Variants in RABGAP1L observed in about 807,000 individuals in gnomAD.
The protein encoded by RABGAP1L is rab GTPase-activating protein 1-like.
A neutral mutation model predicts 137.7 loss-of-function variants in RABGAP1L; 63 were observed. That is an observed-to-expected ratio of 0.46 (90% CI 0.37 to 0.56). The LOEUF (loss-of-function observed/expected upper bound fraction) is 0.56. RABGAP1L is among the 20% of genes least tolerant of loss of function. The probability of loss-of-function intolerance (pLI) is 0.00; values close to 1 mark genes in which losing one functional copy is unlikely to be tolerated. For synonymous variants in RABGAP1L, 431 were observed against 433.7 expected, an observed-to-expected ratio of 0.99 and a Z score of 0.08; for missense variants, 1,095 against 1,244.0, an observed-to-expected ratio of 0.88 and a Z score of 1.80.
At chr1:174,788,042 A>C (rs952735484) in intron 18 of RABGAP1L, among the ~76,000 whole-genome samples, 1 of 152,234 alleles carries the variant, frequency 6.6e-6, no homozygotes, top group Non-Finnish European at 1.5e-5. Flanking sequence ...TTATAGAGAA[A>C]GAAGCTTACT....
chr1:174,483,473 A>AT (rs1431172463), intron 13 of RABGAP1L, among the ~76,000 whole-genome samples: 1 of 152,186 alleles, frequency 6.6e-6, no homozygotes, highest in East Asian at 1.9e-4. Flanking sequence ...GTATCTCATT[A>AT]TTTTTTATGG....
At chr1:174,449,189 T>C in intron 13 of RABGAP1L, 1 of 1,595,210 alleles carries the variant, frequency 6.3e-7, no homozygotes, top group Middle Eastern at 1.7e-4. Context: ...TAATTCTTGC[T>C]CCATTTGAAG....
intron 11 of RABGAP1L, among the ~76,000 whole-genome samples, chr1:174,312,872 GT>G (rs1488264562): frequency 1.3e-5 from 2 of 152,146 alleles, no homozygotes; most frequent in Admixed American, 1.3e-4. Context: ...TCCAATGTCT[GT>G]TTTTGGCACC....
chr1:174,540,522 T>C (rs1665298482), intron 13 of RABGAP1L, among the ~76,000 whole-genome samples: 2 of 152,220 alleles, frequency 1.3e-5, no homozygotes, highest in African/African-American at 2.4e-5. Context: ...GGCTAGCCAG[T>C]TTTCCCAGCA....
intron 19 of RABGAP1L, among the ~76,000 whole-genome samples, chr1:174,926,873 G>A (rs1662923283): frequency 6.6e-6 from 1 of 151,942 alleles, no homozygotes; most frequent in Non-Finnish European, 1.5e-5. Flanking sequence ...AGGAGTTTGA[G>A]ACCAGCCTGG....
intron 7 of RABGAP1L, among the ~76,000 whole-genome samples, chr1:174,262,555 C>T (rs1673666301): frequency 6.6e-6 from 1 of 152,202 alleles, no homozygotes; most frequent in South Asian, 2.1e-4. Context: ...TAACATCTTA[C>T]ATAACCATAG....
intron 10 of RABGAP1L, among the ~76,000 whole-genome samples, chr1:174,298,185 G>T (rs1435043153): frequency 6.6e-6 from 1 of 152,206 alleles, no homozygotes; most frequent in Non-Finnish European, 1.5e-5. Flanking sequence ...CTTCCTAGCA[G>T]ATACCCAGGG....
intron 13 of RABGAP1L, among the ~76,000 whole-genome samples, chr1:174,596,184 G>A (rs1452855928): frequency 1.2e-4 from 16 of 130,228 alleles, no homozygotes; most frequent in African/African-American, 3.9e-4. Flanking sequence ...GCGCTTCCCA[G>A]GTGAGGCAAT....
chr1:174,957,413 A>C (rs544321282), intron 19 of RABGAP1L, 44 bp from the exon 20 acceptor site: 1 of 1,493,646 alleles, frequency 6.7e-7, no homozygotes, highest in South Asian at 1.1e-5. Context: ...TTTTTTTCAT[A>C]AATGGTGTCC....
intron 10 of RABGAP1L, among the ~76,000 whole-genome samples, chr1:174,298,030 G>C (rs1677288560): frequency 6.6e-6 from 1 of 152,108 alleles, no homozygotes; most frequent in Non-Finnish European, 1.5e-5. Context: ...TATCAGTGAA[G>C]AGAGGACAGA....
At chr1:174,224,979 A>G (rs367729348) in intron 3 of RABGAP1L, among the ~76,000 whole-genome samples, 17 of 150,848 alleles carry the variant, frequency 1.1e-4, no homozygotes, top group East Asian at 7.7e-4. Flanking sequence ...CTGTAAATTT[A>G]TATCTTTAAC....
chr1:174,677,062 G>T (rs780161459), intron 14 of RABGAP1L, among the ~76,000 whole-genome samples: 2 of 151,280 alleles, frequency 1.3e-5, no homozygotes, highest in African/African-American at 4.9e-5. Flanking sequence ...TGGCTCATGC[G>T]TGTAATCCAA....
chr1:174,819,990 T>C (rs1690850284), intron 19 of RABGAP1L, among the ~76,000 whole-genome samples: 1 of 152,110 alleles, frequency 6.6e-6, no homozygotes, highest in South Asian at 2.1e-4. Flanking sequence ...AAGTTTTCTA[T>C]TGTTTCTGTT....
chr1:174,432,208 GT>G (rs1315124496), intron 13 of RABGAP1L, among the ~76,000 whole-genome samples: 1 of 152,070 alleles, frequency 6.6e-6, no homozygotes, highest in Non-Finnish European at 1.5e-5. Flanking sequence ...GAGAACATGG[GT>G]TTTTGGTTTT....
intron 13 of RABGAP1L, among the ~76,000 whole-genome samples, chr1:174,605,152 AAAACAAACAAAC>A (rs59164898): frequency 4.6e-5 from 7 of 151,774 alleles, no homozygotes; most frequent in Admixed American, 1.3e-4. Flanking sequence ...AAACCAAACC[AAAACAAACAAAC>A]AAACAAACAA....
intron 19 of RABGAP1L, among the ~76,000 whole-genome samples, chr1:174,905,849 T>TA (rs537387057): frequency 0.02 from 3,035 of 149,406 alleles, 113 homozygotes; most frequent in African/African-American, 0.072. Context: ...AGACTCTGTC[T>TA]AAAAAAAGAA....
intron 4 of RABGAP1L, among the ~76,000 whole-genome samples, chr1:174,233,581 C>T (rs1289340072): frequency 2.1e-5 from 3 of 143,050 alleles, no homozygotes; most frequent in Non-Finnish European, 3.0e-5. Context: ...CATGCCCCTA[C>T]AAAGGACATG....
intron 21 of RABGAP1L, among the ~76,000 whole-genome samples, chr1:174,972,998 C>T (rs1019737507): frequency 3.3e-5 from 5 of 151,800 alleles, no homozygotes; most frequent in African/African-American, 1.2e-4. Context: ...TTAATTCCTA[C>T]TTAAGTGAGG....
chr1:174,217,345 T>C (rs1669415297), intron 1 of RABGAP1L, among the ~76,000 whole-genome samples: 1 of 152,138 alleles, frequency 6.6e-6, no homozygotes, highest in African/African-American at 2.4e-5. Flanking sequence ...AGAAGGTATT[T>C]GAGTTGGGAT....
Sources: allele counts gnomAD v4.1 joint callset (sites outside exome capture counted in the v4.1 genomes callset), GRCh38; gene constraint gnomAD v4.1.1; transcripts MANE v1.5; gene names NCBI Gene and HGNC (gene_info 2026-07-23, HGNC 2026-07-21).